RSPH1: variants seen among roughly 807,000 people sequenced by gnomAD.
The protein encoded by RSPH1 is radial spoke head component 1.
In RSPH1, 32 loss-of-function variants were observed where a neutral mutation model predicts 44.2. The ratio of observed to expected loss-of-function variants is 0.72; its 90% CI spans 0.55 to 0.97. The LOEUF is 0.97. Among genes scored for constraint, RSPH1 ranks in the 50% least tolerant of loss-of-function variants. The pLI is 0.00. For synonymous variants in RSPH1, 134 were observed against 147.3 expected, an observed-to-expected ratio of 0.91 and a Z score of 0.65; for missense variants, 391 against 398.7, an observed-to-expected ratio of 0.98 and a Z score of 0.16.
At chr21:42,477,100 GC>G (rs2054067160) in intron 7 of RSPH1, among the ~76,000 whole-genome samples, 190 bp downstream of exon 7, 1 of 138,844 alleles carries the variant, frequency 7.2e-6, no homozygotes, top group African/African-American at 2.7e-5. Flanking sequence ...CACACCCTCT[GC>G]CCCCTCCACT....
chr21:42,493,871 C>A (rs2054260608), intron 1 of RSPH1, among the ~76,000 whole-genome samples: 1 of 152,212 alleles, frequency 6.6e-6, no homozygotes, highest in Non-Finnish European at 1.5e-5. Flanking sequence ...CCACCTCAGA[C>A]TCCTGAGTAG....
chr21:42,492,703 A>G (rs2054247734), intron 3 of RSPH1, 55 bp downstream of exon 3: 4 of 1,028,232 alleles, frequency 3.9e-6, no homozygotes, highest in Admixed American at 3.7e-5. Context: ...AAGTTCAGTC[A>G]TAAAGAAAGA....
chr21:42,477,010 GA>G lies in RSPH1; in HGVS notation c.727+280del, dbSNP rs60974545. Among the ~76,000 whole-genome samples the G allele has an allele frequency of 0.16, 5,354 of 32,752 alleles. 349 individuals are homozygous for G. Among genetic ancestry groups the G allele is most frequent in the Middle Eastern group, 0.24 (15 of 62 alleles). The allele number at this position is 32,752 out of a possible 152,430, so 21.5% of individuals were successfully genotyped here. On this transcript the variant is annotated intron_variant, in intron 7 of 8. Coordinates refer to ENST00000291536, the MANE Select transcript of RSPH1 (RefSeq NM_080860.4). ...ACACCCTCTGTCCCACAGCCCGGGG[GA>G]TGCCCCACACCCTCTGTCCCACAGC... is the stretch of plus-strand genomic sequence containing the variant.
At chr21:42,476,757 C>T (rs117191120) in intron 7 of RSPH1, among the ~76,000 whole-genome samples, 1 of 152,232 alleles carries the variant, frequency 6.6e-6, no homozygotes, top group East Asian at 1.9e-4. Flanking sequence ...GTTGTGGAGG[C>T]CACACCTCCG....
chr21:42,486,396 T>C lies in RSPH1; in HGVS notation c.340A>G (p.Thr114Ala), dbSNP rs764166547. The C allele has an allele frequency of 6.2e-7, 1 of 1,613,786 alleles. No homozygotes were observed. Among genetic ancestry groups the C allele is most frequent in the Non-Finnish European group, 8.5e-7 (1 of 1,179,756 alleles). ...VYYYINNDTY[T>A]GEWFAHQRHG... ...CTTTGATGAGCAAACCACTCTCCAG[T>C]GTAGGTGTCATTATTGATGTAGTAG... Residue 114 changes from threonine to alanine, a missense_variant, in exon 4 of 9, where the codon ACT (threonine) becomes GCT (alanine). Thr to Ala is a moderately conservative substitution (Grantham distance 58). Transcript: ENST00000291536.
In RSPH1 at chr21:42,472,785, T is replaced by C; in HGVS notation, c.*33A>G. 1 of 1,554,010 alleles carries C rather than the reference T, an allele frequency of 6.4e-7. No homozygotes were observed. Among genetic ancestry groups the C allele is most frequent in the East Asian group, 2.2e-5 (1 of 44,578 alleles). On this transcript the variant is annotated 3_prime_UTR_variant, in exon 9 of 9. Transcript: ENST00000291536. ...CACCCGGCTAACGACAGAAGCATTC[T>C]TATGATACGATCTCCTCTCGGCTCA...
In RSPH1 at chr21:42,472,816, T is replaced by G; in HGVS notation, c.*2A>C. 6.2e-7 allele frequency: 1 copy of G among 1,608,064 alleles called. No homozygotes were observed. Among genetic ancestry groups the G allele is most frequent in the Non-Finnish European group, 8.5e-7 (1 of 1,174,910 alleles). On this transcript the variant is annotated 3_prime_UTR_variant, in exon 9 of 9. Transcript: ENST00000291536. ...TACGATCTCCTCTCGGCTCACTTCA[T>G]CTTAGTCCTGGAGGTCTGACTGTCT...
chr21:42,482,106 C>T (rs1261936107), intron 6 of RSPH1, among the ~76,000 whole-genome samples: 2 of 152,158 alleles, frequency 1.3e-5, no homozygotes, highest in Non-Finnish European at 2.9e-5. Flanking sequence ...GTTTTTGAGA[C>T]AGAGTCTCAC....
At chr21:42,496,003 C>T in intron 1 of RSPH1, 130 bp downstream of exon 1, 1 of 1,032,110 alleles carries the variant, frequency 9.7e-7, no homozygotes, top group Non-Finnish European at 1.5e-6. Flanking sequence ...GGCCTTCGTC[C>T]CTGCCGGGGA....
chr21:42,492,057 C>A (rs1304278473), intron 3 of RSPH1, among the ~76,000 whole-genome samples: 2 of 152,194 alleles, frequency 1.3e-5, no homozygotes, highest in African/African-American at 2.4e-5. Flanking sequence ...TAGACAATTT[C>A]TTTCTTCCTA....
At chr21:42,492,916 A>G (rs887241799) in intron 2 of RSPH1, 50 bp downstream of exon 2, 2 of 1,587,892 alleles carry the variant, frequency 1.3e-6, no homozygotes, top group Non-Finnish European at 1.7e-6. Context: ...AGCATTTGCT[A>G]ACAGAGTATT....
chr21:42,496,000 G>C, intron 1 of RSPH1, 133 bp downstream of exon 1: 1 of 987,314 alleles, frequency 1.0e-6, no homozygotes, highest in South Asian at 1.4e-5. Flanking sequence ...CGTGGCCTTC[G>C]TCCCTGCCGG....
Position 42,496,154 on chromosome 21 carries a change from C to G in RSPH1, c.33G>C (p.Glu11Asp). The G allele has an allele frequency of 6.2e-7, 1 of 1,614,188 alleles. No homozygotes were observed. The highest frequency in any genetic ancestry group is 8.5e-7 in the Non-Finnish European group (1 of 1,180,014). MSDLGSEELE[E>D]EGENDIGEYE... ...TCACCCCAATATCATTCTCTCCCTC[C>G]TCCTCCAACTCCTCCGAGCCCAGGT... Residue 11 changes from glutamate (E) to aspartate (D), a missense_variant, in exon 1 of 9, where the codon GAG (glutamate) becomes GAC (aspartate). Glu to Asp is a conservative substitution (Grantham distance 45). Coordinates refer to ENST00000291536, the MANE Select transcript of RSPH1 (RefSeq NM_080860.4).
intron 3 of RSPH1, 27 bp from the exon 4 acceptor site, chr21:42,486,488 C>A: frequency 6.5e-7 from 1 of 1,548,844 alleles, no homozygotes; most frequent in South Asian, 1.1e-5. Flanking sequence ...AAAGGCAAGC[C>A]CAGGTGAGAA....
rs1024233942 is a variant in RSPH1, at chr21:42,475,768, G to A, written c.877+130C>T. On this transcript the variant is annotated intron_variant, in intron 8 of 8. Transcript: ENST00000291536. ...ATGGCTCCAGTGAGCGCTCACAGGG[G>A]GCCCCCTAAGCCTTCCTCGAGTCCC... 1.7e-5 allele frequency: 16 copies of A among 944,532 alleles called. No homozygotes were observed. The African/African-American group carries it at 1.9e-4, about 11-fold the overall frequency. The allele number at this position is 944,532 out of a possible 1,614,324, so 58.5% of individuals were successfully genotyped here. A position where few individuals can be genotyped will look rare whatever the true frequency, so the allele number is the denominator to read the frequency against.
At chr21:42,482,823 G>T in intron 5 of RSPH1, 115 bp from the exon 6 acceptor site, 1 of 661,200 alleles carries the variant, frequency 1.5e-6, no homozygotes. Context: ...AGTGTAACAT[G>T]GATTAAGGAA....
At chr21:42,478,798 T>C (rs2054097211) in intron 6 of RSPH1, among the ~76,000 whole-genome samples, 1 of 152,226 alleles carries the variant, frequency 6.6e-6, no homozygotes, top group Non-Finnish European at 1.5e-5. Context: ...AGCAACTCAA[T>C]TGTCCATCAA....
rs548407279 is a variant in RSPH1 at position 42,477,017 on chromosome 21, C to T, written c.727+274G>A. ...CTGTCCCACAGCCCGGGGGATGCCC[C>T]ACACCCTCTGTCCCACAGCCCGGGG... On this transcript the variant is annotated intron_variant, in intron 7 of 8. Coordinates refer to ENST00000291536, the MANE Select transcript of RSPH1 (RefSeq NM_080860.4). 6.7e-3 allele frequency among the ~76,000 whole-genome samples: 400 copies of T among 59,326 alleles called. 33 individuals are homozygous for T. Among genetic ancestry groups the T allele is most frequent in the East Asian group, 0.049 (124 of 2,516 alleles). The allele number at this position is 59,326 out of a possible 152,430, so 38.9% of individuals were successfully genotyped here.
chr21:42,475,835 A>T, intron 8 of RSPH1, 63 bp downstream of exon 8: 2 of 1,560,032 alleles, frequency 1.3e-6, no homozygotes, highest in East Asian at 4.5e-5. Context: ...GGGAAGGGGA[A>T]TCCCACTGTT....
Sources: gnomAD v4.1 joint callset for allele counts (sites outside exome capture counted in the v4.1 genomes callset) on GRCh38, gnomAD v4.1.1 for gene constraint, MANE v1.5 for transcripts, NCBI Gene and HGNC (gene_info 2026-07-23, HGNC 2026-07-21) for gene names.